The following DIAPH2 variants were observed in gnomAD, a reference collection of about 807,000 sequenced individuals.
DIAPH2 encodes the protein protein diaphanous homolog 2.
Under a neutral mutation model 92.7 loss-of-function variants are expected in DIAPH2, and 35 were observed. That is an observed-to-expected ratio of 0.38 (90% confidence interval 0.29 to 0.50). DIAPH2 has a LOEUF of 0.50. DIAPH2 is among the 20% of genes least tolerant of loss of function. The pLI, the probability that DIAPH2 is intolerant of heterozygous loss-of-function variation, is 0.94. For synonymous variants in DIAPH2, 301 were observed against 280.4 expected (o/e 1.07, Z -0.73); for missense variants, 701 against 819.5 (o/e 0.86, Z 1.77).
chrX:97,404,486 T>C (rs1473629425), intron 25 of DIAPH2, among the ~76,000 whole-genome samples: 1 of 111,973 alleles, frequency 8.9e-6, no homozygotes, highest in Non-Finnish European at 1.9e-5. Flanking sequence ...TTTTCTTTAA[T>C]GAAAAACTAT....
chrX:97,543,047 G>A (rs1051072001), intron 26 of DIAPH2, among the ~76,000 whole-genome samples: 3 of 112,277 alleles, frequency 2.7e-5, no homozygotes, highest in African/African-American at 6.5e-5. Flanking sequence ...CATTGTTCAC[G>A]ATTCTGCAAT....
intron 19 of DIAPH2, among the ~76,000 whole-genome samples, chrX:97,086,953 A>G (rs1602332484): frequency 1.8e-5 from 2 of 111,471 alleles, no homozygotes; most frequent in African/African-American, 6.5e-5. Flanking sequence ...GTAGTAACAG[A>G]AAGTTTACTA....
chrX:97,212,120 C>G (rs757802779), intron 22 of DIAPH2, among the ~76,000 whole-genome samples: 1 of 111,578 alleles, frequency 9.0e-6, no homozygotes, highest in South Asian at 3.7e-4. Flanking sequence ...AATTTTAGTT[C>G]TAAAATCATT....
intron 12 of DIAPH2, among the ~76,000 whole-genome samples, chrX:96,940,084 T>G (rs2147802694): frequency 9.0e-6 from 1 of 110,797 alleles, no homozygotes; most frequent in Admixed American, 9.5e-5. Flanking sequence ...CAGATTGCAC[T>G]GGCCCTGCAA....
chrX:96,904,058 TA>T (rs1569424334), intron 5 of DIAPH2, among the ~76,000 whole-genome samples: 1 of 112,121 alleles, frequency 8.9e-6, no homozygotes, highest in Non-Finnish European at 1.9e-5. Flanking sequence ...AAGGAACTCC[TA>T]AAAATGGATG....
chrX:96,780,245 G>T (rs192336080), intron 4 of DIAPH2, among the ~76,000 whole-genome samples: 1 of 110,793 alleles, frequency 9.0e-6, no homozygotes, highest in Non-Finnish European at 1.9e-5. Flanking sequence ...TGTTCTTTTC[G>T]ATTAACTTAT....
At chrX:97,434,328 G>A (rs1471285523) in intron 26 of DIAPH2, among the ~76,000 whole-genome samples, 3 of 110,706 alleles carry the variant, frequency 2.7e-5, no homozygotes, top group Non-Finnish European at 5.7e-5. Context: ...AGATAATTTA[G>A]CGTGAGAGGA....
At chrX:97,257,431 A>G (rs890133145) in intron 23 of DIAPH2, among the ~76,000 whole-genome samples, 1 of 111,729 alleles carries the variant, frequency 9.0e-6, no homozygotes, top group African/African-American at 3.3e-5. Flanking sequence ...TGAGTTGACA[A>G]TGGTTCTGAG....
intron 25 of DIAPH2, among the ~76,000 whole-genome samples, chrX:97,428,498 G>A (rs1351513268): frequency 2.8e-5 from 3 of 107,374 alleles, no homozygotes; most frequent in Non-Finnish European, 5.8e-5. Context: ...TCACGCCATT[G>A]CACTCCAGCT....
chrX:96,849,157 C>T (rs1357056264), intron 4 of DIAPH2, among the ~76,000 whole-genome samples: 1 of 110,828 alleles, frequency 9.0e-6, no homozygotes, highest in Non-Finnish European at 1.9e-5. Context: ...GTATGTGAAG[C>T]ACAAGCTTTA....
intron 22 of DIAPH2, among the ~76,000 whole-genome samples, chrX:97,185,505 A>ATG (rs2067595690): frequency 1.7e-5 from 1 of 60,073 alleles, no homozygotes; most frequent in East Asian, 6.1e-4. Flanking sequence ...ATATATATAT[A>ATG]TATATATATA....
chrX:97,350,716 T>C (rs746278795), intron 24 of DIAPH2, among the ~76,000 whole-genome samples: 1 of 112,271 alleles, frequency 8.9e-6, no homozygotes, highest in Admixed American at 9.5e-5. Flanking sequence ...AGTTAAAGGA[T>C]TGATCTCTAA....
chrX:96,765,331 G>A (rs6620159), intron 4 of DIAPH2, among the ~76,000 whole-genome samples: 10,906 of 107,194 alleles, frequency 0.1, 534 homozygotes, highest in East Asian at 0.32. Flanking sequence ...CAGAATAGCT[G>A]GGACTACAGG....
At chrX:96,770,028 T>C (rs780354391) in intron 4 of DIAPH2, among the ~76,000 whole-genome samples, 1 of 111,034 alleles carries the variant, frequency 9.0e-6, no homozygotes, top group Admixed American at 9.5e-5. Flanking sequence ...TAAAACACCA[T>C]TTCTACTAAA....
Position 97,512,295 on chromosome X carries a change from G to A in DIAPH2, c.3241+82550G>A, listed in dbSNP as rs1319096281. Among the ~76,000 whole-genome samples, 31 of 113,370 alleles carry A rather than the reference G, an allele frequency of 2.7e-4. 1 individual carries two copies. The Middle Eastern group carries it at 0.014, about 50-fold the overall frequency. ...CTTCAAGATTTTCTAGTTTATTTGC[G>A]TAGAGGTGTTTGTAGTATTCTCTGA... On this transcript the variant is annotated intron_variant, in intron 26 of 26. Transcript: ENST00000324765.
At chrX:97,385,166 A>G (rs1447635816) in intron 25 of DIAPH2, among the ~76,000 whole-genome samples, 4 of 111,911 alleles carry the variant, frequency 3.6e-5, no homozygotes, top group Non-Finnish European at 7.5e-5. Flanking sequence ...AGATAACAAT[A>G]GTAAAAATTG....
intron 17 of DIAPH2, among the ~76,000 whole-genome samples, chrX:97,035,061 A>G (rs2066401360): frequency 8.9e-6 from 1 of 112,073 alleles, no homozygotes; most frequent in African/African-American, 3.2e-5. Context: ...TGTAAGAAAT[A>G]CACAAGAGGA....
At chrX:97,323,965 C>G (rs754907350) in intron 23 of DIAPH2, among the ~76,000 whole-genome samples, 15 of 105,221 alleles carry the variant, frequency 1.4e-4, no homozygotes, top group Non-Finnish European at 1.8e-4. Context: ...TAGGCTAAAT[C>G]AAATAACTTG....
At chrX:97,348,859 T>C (rs1458396811) in intron 24 of DIAPH2, among the ~76,000 whole-genome samples, 2 of 109,639 alleles carry the variant, frequency 1.8e-5, no homozygotes, top group Non-Finnish European at 3.8e-5. Context: ...ATCAAAGGCT[T>C]TGCTATATAA....
Sources: gnomAD v4.1 joint callset for allele counts (sites outside exome capture counted in the v4.1 genomes callset) on GRCh38, gnomAD v4.1.1 for gene constraint, MANE v1.5 for transcripts, NCBI Gene and HGNC (gene_info 2026-07-23, HGNC 2026-07-21) for gene names.